Variants in ZNF280D observed in about 807,000 individuals in gnomAD.
ZNF280D encodes the protein suppressor of hairy wing homolog 4.
In ZNF280D, 39 loss-of-function variants were observed where a neutral mutation model predicts 94.7. That is an observed-to-expected ratio of 0.41 (90% CI 0.32 to 0.54). The LOEUF is 0.54. Among genes scored for constraint, ZNF280D ranks in the 20% least tolerant of loss-of-function variants. The pLI, the probability that ZNF280D is intolerant of heterozygous loss-of-function variation, is 0.22. For missense variants in ZNF280D, 1,090 were observed against 1,149.3 expected, an observed-to-expected ratio of 0.95 and a Z score of 0.75; for synonymous variants, 398 against 377.6, an observed-to-expected ratio of 1.05 and a Z score of -0.63.
chr15:56,697,983 T>C (rs1377209195), intron 6 of ZNF280D: 1 of 152,194 alleles, frequency 6.6e-6, no homozygotes, highest in African/African-American at 2.4e-5. Context: ...GGTTGAGGAG[T>C]ATTATTAAAT....
At chr15:56,727,734 T>C (rs2058694572) in intron 1 of ZNF280D, among the ~76,000 whole-genome samples, 1 of 152,100 alleles carries the variant, frequency 6.6e-6, no homozygotes, top group Non-Finnish European at 1.5e-5. Context: ...ACCAGAAGAT[T>C]AACACAAAGA....
chr15:56,716,249 T>TA (rs1301160360), intron 1 of ZNF280D, among the ~76,000 whole-genome samples: 1 of 152,086 alleles, frequency 6.6e-6, no homozygotes, highest in African/African-American at 2.4e-5. Context: ...CAAACACCCA[T>TA]ACAAAGAGAT....
At chr15:56,711,246 C>T (rs2141293817) in intron 1 of ZNF280D, among the ~76,000 whole-genome samples, 1 of 152,218 alleles carries the variant, frequency 6.6e-6, no homozygotes, top group East Asian at 1.9e-4. Context: ...TAAAAATAGA[C>T]TTATGTCATT....
At chr15:56,697,969 T>C (rs1353873329) in intron 6 of ZNF280D, 2 of 152,198 alleles carry the variant, frequency 1.3e-5, no homozygotes, top group Non-Finnish European at 2.9e-5. Context: ...TGACATGTTG[T>C]TTTGGTTGAG....
At position 56,722,680 on chromosome 15, in the gene ZNF280D, A is replaced by G. The variant is rs550353178; in HGVS notation, c.-86+10778T>C. 7.9e-5 allele frequency among the ~76,000 whole-genome samples: 12 copies of G among 152,310 alleles called. No individual in the cohort carries two copies. The East Asian group carries it at 1.5e-3, about 20-fold the overall frequency. On this transcript the variant is annotated intron_variant, in intron 1 of 21. Transcript: ENST00000267807. ...TGGAAGTCAGTGTGGCGATTCCTCA[A>G]GGATCTAGAACTAGACATACCATTT...
At chr15:56,660,317 A>G (rs1255443108) in intron 16 of ZNF280D, among the ~76,000 whole-genome samples, 1 of 152,200 alleles carries the variant, frequency 6.6e-6, no homozygotes, top group Non-Finnish European at 1.5e-5. Flanking sequence ...TCTATTAAAT[A>G]TAAGAGGAGA....
chr15:56,727,087 G>A (rs986556296), intron 1 of ZNF280D, among the ~76,000 whole-genome samples: 4 of 152,170 alleles, frequency 2.6e-5, no homozygotes, highest in African/African-American at 9.7e-5. Context: ...GAAAATAACG[G>A]TTATTTTAGT....
intron 7 of ZNF280D, among the ~76,000 whole-genome samples, chr15:56,690,971 G>C (rs921969222): frequency 1.3e-5 from 2 of 152,064 alleles, no homozygotes; most frequent in African/African-American, 4.8e-5. Context: ...GTCTAGTTAT[G>C]TTAGCTTAAT....
chr15:56,639,599 C>T (rs6493881), intron 20 of ZNF280D, among the ~76,000 whole-genome samples: 150,552 of 152,300 alleles, frequency 0.99, 74,443 homozygotes, highest in Middle Eastern at 1. Flanking sequence ...AGACATGCAT[C>T]AGACTTAATA....
chr15:56,656,569 T>C (rs1185420503), intron 17 of ZNF280D, among the ~76,000 whole-genome samples: 1 of 152,210 alleles, frequency 6.6e-6, no homozygotes, highest in Non-Finnish European at 1.5e-5. Flanking sequence ...ATTCAGTAAA[T>C]ATTTTAAAAG....
intron 7 of ZNF280D, among the ~76,000 whole-genome samples, chr15:56,690,882 A>G (rs2056386198): frequency 6.6e-6 from 1 of 152,270 alleles, no homozygotes; most frequent in South Asian, 2.1e-4. Context: ...GTCACTCTCT[A>G]GTTATGTTAA....
chr15:56,689,559 G>A (rs2056293827), intron 7 of ZNF280D, 89 bp from the exon 8 acceptor site: 2 of 817,600 alleles, frequency 2.4e-6, no homozygotes, highest in East Asian at 3.0e-5. Context: ...CTAAATTAAA[G>A]GTAATATAAT....
chr15:56,653,786 G>A, intron 19 of ZNF280D: 1 of 1,259,124 alleles, frequency 7.9e-7, no homozygotes, highest in Non-Finnish European at 1.0e-6. Flanking sequence ...ATTATTGTAA[G>A]CAAAGAAAAG....
chr15:56,654,161 A>G, intron 19 of ZNF280D, 37 bp downstream of exon 19: 1 of 1,592,660 alleles, frequency 6.3e-7, no homozygotes, highest in South Asian at 1.2e-5. Context: ...GCTAAAATCC[A>G]TCAAAGTAAA....
chr15:56,729,209 T>C (rs1390673588), intron 1 of ZNF280D, among the ~76,000 whole-genome samples: 1 of 152,202 alleles, frequency 6.6e-6, no homozygotes, highest in Admixed American at 6.5e-5. Flanking sequence ...GAATCAAGAT[T>C]GATATATACG....
intron 17 of ZNF280D, among the ~76,000 whole-genome samples, chr15:56,658,149 C>T (rs191393320): frequency 6.6e-6 from 1 of 152,200 alleles, no homozygotes; most frequent in East Asian, 1.9e-4. Flanking sequence ...GCAAATATTA[C>T]ACAGACAGAA....
intron 13 of ZNF280D, 63 bp downstream of exon 13, chr15:56,676,606 CA>C: frequency 7.1e-7 from 1 of 1,409,058 alleles, no homozygotes; most frequent in Non-Finnish European, 9.6e-7. Flanking sequence ...AAAGATTCTC[CA>C]AGTCATAATC....
chr15:56,701,267 A>G, intron 4 of ZNF280D, 29 bp from the exon 5 acceptor site: 1 of 1,367,942 alleles, frequency 7.3e-7, no homozygotes, highest in Non-Finnish European at 1.0e-6. Context: ...ATTTTAAAAT[A>G]CATTGTTTGA....
chr15:56,692,261 T>A (rs1282544879), intron 7 of ZNF280D, among the ~76,000 whole-genome samples: 1 of 151,950 alleles, frequency 6.6e-6, no homozygotes, highest in Non-Finnish European at 1.5e-5. Flanking sequence ...ATTAAAAAAT[T>A]GGAAAAACAG....
Sources: allele counts gnomAD v4.1 joint callset (sites outside exome capture counted in the v4.1 genomes callset), GRCh38; gene constraint gnomAD v4.1.1; transcripts MANE v1.5; gene names NCBI Gene and HGNC (gene_info 2026-07-23, HGNC 2026-07-21).